The following METTL15 variants were observed in gnomAD, a reference collection of about 807,000 sequenced individuals.
METTL15 encodes methyltransferase 15, mitochondrial 12S rRNA N4-cytidine.
Under a neutral mutation model 38.3 loss-of-function variants are expected in METTL15, and 34 were observed. The ratio of observed to expected loss-of-function variants is 0.89; its 90% CI spans 0.68 to 1.18. The LOEUF (loss-of-function observed/expected upper bound fraction) is 1.18. Among genes scored for constraint, METTL15 ranks in the 50% most tolerant of loss-of-function variants. METTL15 has a pLI of 0.00. For missense variants in METTL15, 438 were observed against 498.4 expected (o/e 0.88, Z 1.15); for synonymous variants, 162 against 170.9 (o/e 0.95, Z 0.41).
chr11:28,396,594 C>T (rs1435616368), intron 5 of METTL15, among the ~76,000 whole-genome samples: 2 of 151,944 alleles, frequency 1.3e-5, no homozygotes, highest in South Asian at 2.1e-4. Flanking sequence ...TAAAAGAGGA[C>T]ACAAAAAAAT....
At chr11:28,173,226 A>T (rs1451985599) in intron 3 of METTL15, among the ~76,000 whole-genome samples, 1 of 152,166 alleles carries the variant, frequency 6.6e-6, no homozygotes, top group Non-Finnish European at 1.5e-5. Context: ...ATATGTTGCA[A>T]TTCTTACCTC....
chr11:28,221,436 A>G (rs921603430), intron 4 of METTL15, among the ~76,000 whole-genome samples: 3 of 152,010 alleles, frequency 2.0e-5, no homozygotes, highest in Admixed American at 1.3e-4. Context: ...ACTTGTCTGC[A>G]TTGGTTATTC....
intron 4 of METTL15, among the ~76,000 whole-genome samples, chr11:28,284,547 A>C (rs1856178876): frequency 6.6e-6 from 1 of 152,192 alleles, no homozygotes; most frequent in African/African-American, 2.4e-5. Context: ...CATAAGACAA[A>C]AATTGTACTT....
intron 4 of METTL15, among the ~76,000 whole-genome samples, chr11:28,355,389 AG>A (rs1403705617): frequency 1.3e-5 from 2 of 152,230 alleles, no homozygotes; most frequent in Non-Finnish European, 2.9e-5. Flanking sequence ...GTAGGTTAAT[AG>A]TAGTTCTGCA....
chr11:28,462,085 G>T (rs1443127), intron 6 of METTL15, among the ~76,000 whole-genome samples: 64,126 of 151,806 alleles, frequency 0.42, 14,947 homozygotes, highest in Admixed American at 0.54. Flanking sequence ...ATACCATGTT[G>T]TAAGTCAAAA....
chr11:28,381,249 T>G (rs2133384965), intron 5 of METTL15, among the ~76,000 whole-genome samples: 1 of 152,310 alleles, frequency 6.6e-6, no homozygotes, highest in South Asian at 2.1e-4. Context: ...TCCTCCTATC[T>G]TAGCCTCCCA....
At chr11:28,308,850 G>T (rs1857169397) in intron 6 of METTL15, among the ~76,000 whole-genome samples, 1 of 151,896 alleles carries the variant, frequency 6.6e-6, no homozygotes, top group South Asian at 2.1e-4. Flanking sequence ...CCCTTAGCAG[G>T]TTCATCAGAT....
chr11:28,378,472 C>G (rs1047312194), intron 5 of METTL15, among the ~76,000 whole-genome samples: 34 of 152,230 alleles, frequency 2.2e-4, no homozygotes, highest in Admixed American at 4.6e-4. Context: ...TCCCTGACCC[C>G]TTGCGCTTCC....
intron 5 of METTL15, chr11:28,398,643 A>C (rs1010900804): frequency 3.3e-5 from 5 of 152,076 alleles, no homozygotes; most frequent in African/African-American, 1.2e-4. Flanking sequence ...CTCTGATGAT[A>C]GTTTCTTTTG....
intron 4 of METTL15, among the ~76,000 whole-genome samples, chr11:28,278,588 T>C (rs1352618715): frequency 6.6e-6 from 1 of 152,124 alleles, no homozygotes; most frequent in Non-Finnish European, 1.5e-5. Context: ...AAATTTGTTA[T>C]ATATTCATTT....
chr11:28,399,973 T>C (rs1850614790), intron 5 of METTL15, among the ~76,000 whole-genome samples: 1 of 151,960 alleles, frequency 6.6e-6, no homozygotes, highest in African/African-American at 2.4e-5. Context: ...TAGCATGTAA[T>C]ATTTGTATGA....
chr11:28,438,992 A>G (rs1590375324), intron 6 of METTL15, among the ~76,000 whole-genome samples: 1 of 146,266 alleles, frequency 6.8e-6, no homozygotes, highest in Non-Finnish European at 1.5e-5. Context: ...ACATTTTTAA[A>G]ACCATTAATT....
intron 3 of METTL15, among the ~76,000 whole-genome samples, chr11:28,342,189 G>A (rs938959736): frequency 1.3e-5 from 2 of 152,100 alleles, no homozygotes; most frequent in Admixed American, 6.5e-5. Context: ...TGTTCTAGAA[G>A]CCCAGGTGTA....
intron 5 of METTL15, among the ~76,000 whole-genome samples, chr11:28,372,863 T>C (rs1308083117): frequency 6.9e-6 from 1 of 144,248 alleles, no homozygotes; most frequent in Non-Finnish European, 1.5e-5. Context: ...AGTGAGAATA[T>C]GCGGTGTTTG....
chr11:28,423,794 A>G (rs763164960), intron 5 of METTL15, among the ~76,000 whole-genome samples: 3 of 152,104 alleles, frequency 2.0e-5, no homozygotes, highest in Non-Finnish European at 4.4e-5. Flanking sequence ...AGTATTTGAT[A>G]GCACAACAGG....
intron 3 of METTL15, among the ~76,000 whole-genome samples, chr11:28,208,068 A>T (rs1317290265): frequency 6.6e-6 from 1 of 152,128 alleles, no homozygotes; most frequent in African/African-American, 2.4e-5. Context: ...CAGCTCCTGG[A>T]TTCATTAATT....
At chr11:28,481,859 C>A (rs993617133) in intron 6 of METTL15, among the ~76,000 whole-genome samples, 13 of 152,154 alleles carry the variant, frequency 8.5e-5, no homozygotes, top group African/African-American at 3.1e-4. Context: ...TGGCGAGGGT[C>A]GCTGCAAGTT....
chr11:28,355,893 T>C (rs1191576476), intron 4 of METTL15, among the ~76,000 whole-genome samples: 2 of 152,178 alleles, frequency 1.3e-5, no homozygotes, highest in African/African-American at 4.8e-5. Flanking sequence ...TCCCCATACC[T>C]TTCCAACTTT....
chr11:28,269,338 C>T (rs566462650), intron 4 of METTL15, among the ~76,000 whole-genome samples: 1 of 151,980 alleles, frequency 6.6e-6, no homozygotes, highest in East Asian at 1.9e-4. Context: ...AATATATATG[C>T]ATGTGCATGT....
Sources: gnomAD v4.1 joint callset for allele counts (sites outside exome capture counted in the v4.1 genomes callset) on GRCh38, gnomAD v4.1.1 for gene constraint, MANE v1.5 for transcripts, NCBI Gene and HGNC (gene_info 2026-07-23, HGNC 2026-07-21) for gene names.